SLC2A9: variants seen among roughly 807,000 people sequenced by gnomAD.
SLC2A9 encodes solute carrier family 2 member 9, also known as solute carrier family 2, facilitated glucose transporter member 9.
SLC2A9 carries 39 observed loss-of-function variants against 50.6 expected under a neutral mutation model. The ratio of observed to expected loss-of-function variants is 0.77; its 90% CI spans 0.60 to 1.01. The LOEUF (loss-of-function observed/expected upper bound fraction) is 1.01, where lower values mean the gene tolerates loss of function less well. Ranked by LOEUF, SLC2A9 falls within the 50% of genes least tolerant of loss-of-function variation. SLC2A9 has a pLI of 0.00. For missense variants in SLC2A9, 686 were observed against 677.6 expected (o/e 1.01, Z -0.14); for synonymous variants, 324 against 276.9 (o/e 1.17, Z -1.69).
chr4:9,961,041 T>C (rs777995550), intron 5 of SLC2A9, among the ~76,000 whole-genome samples: 25 of 152,198 alleles, frequency 1.6e-4, no homozygotes, highest in Non-Finnish European at 3.2e-4. Flanking sequence ...ATTAATATTA[T>C]TGTCCTCATT....
intron 3 of SLC2A9, among the ~76,000 whole-genome samples, chr4:9,799,399 G>A (rs1721021663): frequency 6.6e-6 from 1 of 152,068 alleles, no homozygotes; most frequent in African/African-American, 2.4e-5. Context: ...GCTTTAAGAT[G>A]ATGCCTTCTT....
intron 11 of SLC2A9, among the ~76,000 whole-genome samples, chr4:9,832,761 T>C (rs1359021683): frequency 1.3e-5 from 2 of 150,550 alleles, no homozygotes; most frequent in Non-Finnish European, 2.9e-5. Context: ...GCTCATCCCC[T>C]TGCCTGTCAA....
chr4:9,792,163 C>CTTTTTTTTTTT (rs34289788), intron 3 of SLC2A9, among the ~76,000 whole-genome samples: 9 of 77,224 alleles, frequency 1.2e-4, no homozygotes, highest in African/African-American at 2.0e-4. Flanking sequence ...TTCTATGTTT[C>CTTTTTTTTTTT]TTTTTTTTTT....
chr4:9,874,364 GCCC>G (rs1733939859), intron 10 of SLC2A9, among the ~76,000 whole-genome samples: 1 of 152,166 alleles, frequency 6.6e-6, no homozygotes, highest in Non-Finnish European at 1.5e-5. Flanking sequence ...TTCTCCAGAT[GCCC>G]TCTCTGATGG....
intron 3 of SLC2A9, chr4:9,782,068 G>A (rs1443058374): frequency 6.0e-6 from 9 of 1,497,106 alleles, no homozygotes; most frequent in Non-Finnish European, 8.0e-6. Context: ...CGTACCCGGG[G>A]CAGTTCGCTC....
chr4:9,774,201 T>C (rs1292318132), intron 1 of SLC2A9, among the ~76,000 whole-genome samples: 2 of 151,704 alleles, frequency 1.3e-5, no homozygotes, highest in Middle Eastern at 3.4e-3. Flanking sequence ...GCCATGTTGG[T>C]CAGGCTGGTC....
intron 3 of SLC2A9, among the ~76,000 whole-genome samples, chr4:9,793,170 C>G (rs547676901): frequency 6.6e-6 from 1 of 152,346 alleles, no homozygotes; most frequent in Admixed American, 6.5e-5. Flanking sequence ...GAAACGGCCA[C>G]TATAGATTTT....
intron 5 of SLC2A9, among the ~76,000 whole-genome samples, chr4:9,946,929 T>C (rs1749285496): frequency 6.6e-6 from 1 of 152,164 alleles, no homozygotes; most frequent in South Asian, 2.1e-4. Flanking sequence ...AAAATAATAA[T>C]CAAAATCAAC....
chr4:9,947,679 A>C (rs1749447052), intron 5 of SLC2A9, among the ~76,000 whole-genome samples: 1 of 152,126 alleles, frequency 6.6e-6, no homozygotes, highest in Admixed American at 6.5e-5. Flanking sequence ...TCTATACTCC[A>C]ATCACTTCCT....
At chr4:9,970,693 G>A (rs1753761894) in intron 5 of SLC2A9, among the ~76,000 whole-genome samples, 1 of 147,478 alleles carries the variant, frequency 6.8e-6, no homozygotes, top group South Asian at 2.1e-4. Context: ...AAAAAAAAAT[G>A]CAGGTTACAA....
chr4:9,859,229 G>A (rs997917571), intron 10 of SLC2A9, among the ~76,000 whole-genome samples: 1 of 89,534 alleles, frequency 1.1e-5, no homozygotes, highest in Non-Finnish European at 2.2e-5. Flanking sequence ...TATCCTATTA[G>A]CTTTGTCCCT....
At chr4:9,971,954 G>T (rs765332849) in intron 5 of SLC2A9, among the ~76,000 whole-genome samples, 4 of 152,148 alleles carry the variant, frequency 2.6e-5, no homozygotes, top group Non-Finnish European at 4.4e-5. Flanking sequence ...CCTTGTTACT[G>T]ATCCTTCTAT....
intron 10 of SLC2A9, among the ~76,000 whole-genome samples, chr4:9,863,170 A>G (rs958857061): frequency 1.3e-5 from 2 of 151,952 alleles, no homozygotes; most frequent in Non-Finnish European, 2.9e-5. Flanking sequence ...GTTTTGAGAC[A>G]GGGCCTTACT....
At chr4:9,871,685 T>A (rs942937184) in intron 10 of SLC2A9, among the ~76,000 whole-genome samples, 2 of 152,218 alleles carry the variant, frequency 1.3e-5, no homozygotes, top group African/African-American at 4.8e-5. Context: ...CAAGGTCACA[T>A]TCTGAGGTTC....
intron 6 of SLC2A9, among the ~76,000 whole-genome samples, chr4:9,930,413 TTGG>T (rs1347462641): frequency 4.6e-5 from 7 of 152,306 alleles, no homozygotes; most frequent in African/African-American, 1.7e-4. Flanking sequence ...TGTCACAGAA[TTGG>T]TGCTAAACTT....
intron 5 of SLC2A9, among the ~76,000 whole-genome samples, chr4:9,971,576 T>C (rs1753916713): frequency 6.6e-6 from 1 of 152,204 alleles, no homozygotes; most frequent in Admixed American, 6.5e-5. Context: ...CCTTCCAATG[T>C]AGGACCAACC....
intron 5 of SLC2A9, among the ~76,000 whole-genome samples, chr4:9,947,246 T>C (rs4276278): frequency 0.48 from 72,134 of 151,822 alleles, 18,221 homozygotes; most frequent in African/African-American, 0.63. Context: ...CACCCACTCG[T>C]CCTTGCAGTT....
At chr4:9,777,298 T>C (rs1176229160), downstream of SLC2A9, among the ~76,000 whole-genome samples, 2 of 25,304 alleles carry the variant, frequency 7.9e-5, no homozygotes, top group Non-Finnish European at 1.6e-4. Flanking sequence ...TCTCTGTTTC[T>C]TTTTTTTTTT....
At chr4:9,887,525 T>C in intron 10 of SLC2A9, 42 bp downstream of exon 10, 1 of 1,531,852 alleles carries the variant, frequency 6.5e-7, no homozygotes, top group Non-Finnish European at 8.8e-7. Context: ...GGTGATGCCA[T>C]GAGTCCCTGG....
Sources: gnomAD v4.1 joint callset for allele counts (sites outside exome capture counted in the v4.1 genomes callset) on GRCh38, gnomAD v4.1.1 for gene constraint, MANE v1.5 for transcripts, NCBI Gene and HGNC (gene_info 2026-07-23, HGNC 2026-07-21) for gene names.